DSCAM: variants seen among roughly 807,000 people sequenced by gnomAD.
DSCAM encodes cell adhesion molecule DSCAM.
In DSCAM, 47 loss-of-function variants were observed where a neutral mutation model predicts 217.7. The observed-to-expected ratio is 0.22, with a 90% CI of 0.17 to 0.28. The LOEUF is 0.28. Among genes scored for constraint, DSCAM ranks in the 10% least tolerant of loss-of-function variants. The pLI is 1.00. For missense variants in DSCAM, 2,080 were observed against 2,618.3 expected (o/e 0.79, Z 4.49); for synonymous variants, 1,056 against 1,015.3 (o/e 1.04, Z -0.76).
chr21:40,788,962 G>A (rs2091616200), intron 1 of DSCAM, among the ~76,000 whole-genome samples: 1 of 152,078 alleles, frequency 6.6e-6, no homozygotes, highest in African/African-American at 2.4e-5. Context: ...TTAGCAATCA[G>A]AATCTAATTT....
chr21:40,654,421 G>A (rs1452845661), intron 3 of DSCAM, among the ~76,000 whole-genome samples: 3 of 152,164 alleles, frequency 2.0e-5, no homozygotes, highest in African/African-American at 7.2e-5. Context: ...GAGGCTGTTC[G>A]ATTTTGATTG....
At chr21:40,534,314 T>A (rs2076478038) in intron 3 of DSCAM, among the ~76,000 whole-genome samples, 1 of 152,236 alleles carries the variant, frequency 6.6e-6, no homozygotes, top group Non-Finnish European at 1.5e-5. Flanking sequence ...ATTATATTCT[T>A]GGATATTAAT....
chr21:40,720,646 T>C (rs977417279), intron 1 of DSCAM, among the ~76,000 whole-genome samples: 2 of 151,800 alleles, frequency 1.3e-5, no homozygotes, highest in Admixed American at 1.3e-4. Flanking sequence ...ATTTACTCTA[T>C]GTCTTCACTA....
At chr21:40,818,547 CAAAAAAAAAAAAAAAAAAAAAAAA>C (rs60730859) in intron 1 of DSCAM, among the ~76,000 whole-genome samples, 1 of 41,854 alleles carries the variant, frequency 2.4e-5, no homozygotes, top group Admixed American at 4.3e-4. Context: ...CTCCGTCTCA[CAAAAAAAAAAAAAAAAAAAAAAAA>C]AAAAAAAAAA....
chr21:40,593,021 T>C (rs1390756595), intron 3 of DSCAM, among the ~76,000 whole-genome samples: 2 of 152,192 alleles, frequency 1.3e-5, no homozygotes, highest in Non-Finnish European at 2.9e-5. Context: ...AGAGCCAAAA[T>C]AGTTTCTGGA....
intron 11 of DSCAM, among the ~76,000 whole-genome samples, chr21:40,221,294 C>T (rs1339064795): frequency 6.6e-6 from 1 of 151,828 alleles, no homozygotes; most frequent in Non-Finnish European, 1.5e-5. Context: ...CAATCAGACA[C>T]CTGATTGGAT....
intron 1 of DSCAM, among the ~76,000 whole-genome samples, chr21:40,827,368 C>T (rs563765895): frequency 1.3e-4 from 20 of 149,606 alleles, no homozygotes; most frequent in African/African-American, 4.7e-4. Flanking sequence ...ACTCAGGAGG[C>T]TGAGGTGGGA....
At chr21:40,778,976 A>T (rs62223059) in intron 1 of DSCAM, among the ~76,000 whole-genome samples, 37,943 of 147,248 alleles carry the variant, frequency 0.26, 5,766 homozygotes, top group South Asian at 0.34. Context: ...GTGAGCTGAC[A>T]TCGTGCCATT....
At chr21:40,171,351 T>G (rs141871781) in intron 15 of DSCAM, among the ~76,000 whole-genome samples, 2,651 of 152,248 alleles carry the variant, frequency 0.017, 61 homozygotes, top group African/African-American at 0.059. Context: ...GTGCTGGGAT[T>G]ACAGGTGTGA....
intron 1 of DSCAM, among the ~76,000 whole-genome samples, chr21:40,805,224 A>C (rs535284545): frequency 6.6e-6 from 1 of 152,314 alleles, no homozygotes; most frequent in African/African-American, 2.4e-5. Flanking sequence ...ATATGAGCCA[A>C]GTATCTCTTA....
intron 3 of DSCAM, among the ~76,000 whole-genome samples, chr21:40,481,530 CAAAAAA>C (rs34586895): frequency 3.3e-5 from 2 of 60,492 alleles, no homozygotes; most frequent in African/African-American, 6.3e-5. Context: ...ACTCTGTCTC[CAAAAAA>C]AAAAAAAAAA....
chr21:40,394,215 G>A (rs1046994577), intron 3 of DSCAM, among the ~76,000 whole-genome samples: 13 of 152,138 alleles, frequency 8.5e-5, no homozygotes, highest in African/African-American at 3.1e-4. Flanking sequence ...ATAAAGATAA[G>A]AACAATGATC....
intron 3 of DSCAM, among the ~76,000 whole-genome samples, chr21:40,472,806 T>C (rs956535502): frequency 2.6e-5 from 4 of 152,184 alleles, no homozygotes; most frequent in African/African-American, 4.8e-5. Flanking sequence ...CATCCCCTTC[T>C]AGAATAACAA....
chr21:40,647,824 T>C (rs1192555596), intron 3 of DSCAM, among the ~76,000 whole-genome samples: 1 of 152,184 alleles, frequency 6.6e-6, no homozygotes, highest in Non-Finnish European at 1.5e-5. Flanking sequence ...ATGCCTCACA[T>C]CTGCATGAAA....
chr21:40,645,511 T>G (rs1402841806), intron 3 of DSCAM, among the ~76,000 whole-genome samples: 1 of 148,028 alleles, frequency 6.8e-6, no homozygotes, highest in East Asian at 2.0e-4. Flanking sequence ...TTTAATTCAG[T>G]TTTTTTTTTA....
chr21:40,441,997 T>C (rs891970879), intron 3 of DSCAM, among the ~76,000 whole-genome samples: 1 of 152,238 alleles, frequency 6.6e-6, no homozygotes, highest in African/African-American at 2.4e-5. Flanking sequence ...ACTTAACTAA[T>C]GTTTATCTTC....
intron 2 of DSCAM, among the ~76,000 whole-genome samples, chr21:40,707,598 C>T (rs2090731834): frequency 6.6e-6 from 1 of 152,176 alleles, no homozygotes; most frequent in Non-Finnish European, 1.5e-5. Flanking sequence ...TATTGCAAAG[C>T]TCCCCCAGCT....
intron 19 of DSCAM, among the ~76,000 whole-genome samples, chr21:40,130,428 C>T (rs1031072346): frequency 6.6e-6 from 1 of 152,122 alleles, no homozygotes; most frequent in African/African-American, 2.4e-5. Context: ...GAGCAGTAGT[C>T]ACAGACCCCA....
At chr21:40,511,990 CAAAAA>C (rs780829574) in intron 3 of DSCAM, among the ~76,000 whole-genome samples, 4 of 26,792 alleles carry the variant, frequency 1.5e-4, no homozygotes, top group Admixed American at 8.1e-4. Flanking sequence ...GACTCTGTCT[CAAAAA>C]AAAAAAAAAA....
Sources: allele counts gnomAD v4.1 joint callset (sites outside exome capture counted in the v4.1 genomes callset), GRCh38; gene constraint gnomAD v4.1.1; transcripts MANE v1.5; gene names NCBI Gene and HGNC (gene_info 2026-07-23, HGNC 2026-07-21).